The following ARID4B variants were observed in gnomAD, a reference collection of about 807,000 sequenced individuals.
ARID4B encodes AT-rich interaction domain 4B.
Under a neutral mutation model 147.5 loss-of-function variants are expected in ARID4B, and 26 were observed. The observed-to-expected ratio is 0.18, with a 90% CI of 0.13 to 0.24. ARID4B has a LOEUF of 0.24. ARID4B is among the 10% of genes least tolerant of loss of function. The pLI is 1.00. For synonymous variants in ARID4B, 512 were observed against 507.9 expected (o/e 1.01, Z -0.11); for missense variants, 1,179 against 1,511.5 (o/e 0.78, Z 3.65).
intron 19 of ARID4B, chr1:235,189,981 G>C (rs1427353417): frequency 6.5e-6 from 1 of 154,322 alleles, no homozygotes; most frequent in Non-Finnish European, 1.5e-5. Flanking sequence ...CAGAAAGACA[G>C]AAGTTGCTAG....
intron 23 of ARID4B, among the ~76,000 whole-genome samples, chr1:235,170,423 T>C (rs1663255087): frequency 6.6e-6 from 1 of 152,104 alleles, no homozygotes; most frequent in East Asian, 1.9e-4. Flanking sequence ...TTAAAATATA[T>C]AGATATAGCA....
intron 16 of ARID4B, among the ~76,000 whole-genome samples, chr1:235,214,837 C>CTTTT (rs10657168): frequency 0.31 from 31,757 of 102,094 alleles, 6,019 homozygotes; most frequent in South Asian, 0.54. Flanking sequence ...GTATTACATC[C>CTTTT]TTTTTTTTTT....
intron 17 of ARID4B, among the ~76,000 whole-genome samples, chr1:235,206,126 A>G (rs752255904): frequency 6.6e-6 from 1 of 152,202 alleles, no homozygotes; most frequent in Non-Finnish European, 1.5e-5. Flanking sequence ...AGGAGGTCCA[A>G]TTTAGTTCAA....
intron 17 of ARID4B, among the ~76,000 whole-genome samples, chr1:235,213,476 T>A (rs1230062334): frequency 6.6e-6 from 1 of 152,198 alleles, no homozygotes; most frequent in Non-Finnish European, 1.5e-5. Flanking sequence ...TTTGTAGATG[T>A]CCAGAAGTTC....
intron 2 of ARID4B, among the ~76,000 whole-genome samples, chr1:235,300,961 T>C (rs1673084124): frequency 6.6e-6 from 1 of 151,826 alleles, no homozygotes; most frequent in African/African-American, 2.4e-5. Context: ...ATGATCTGCC[T>C]GCCTCGGCCT....
At position 235,236,492 on chromosome 1, in the gene ARID4B, TTGTGTGTG is replaced by T. The variant is rs111585112; in HGVS notation, c.586-2008_586-2001del. Among the ~76,000 whole-genome samples, 1,088 of 147,132 alleles carry T rather than the reference TTGTGTGTG, an allele frequency of 7.4e-3. 7 individuals are homozygous for T. The highest frequency in any genetic ancestry group is 9.9e-3 in the Non-Finnish European group (662 of 66,944). ...ATTGAGAAAAAGACTTACAAAACAG[TTGTGTGTG>T]TGTGTGTGTGTGTGTGTGTGTGTGT... is the stretch of plus-strand genomic sequence containing the variant. On this transcript the variant is annotated intron_variant, in intron 8 of 23. Coordinates refer to ENST00000264183, the MANE Select transcript of ARID4B (RefSeq NM_016374.6).
At chr1:235,271,982 A>ATAATAAT (rs1671020002) in intron 2 of ARID4B, among the ~76,000 whole-genome samples, 1 of 147,392 alleles carries the variant, frequency 6.8e-6, no homozygotes, top group Non-Finnish European at 1.5e-5. Context: ...AATAATAATA[A>ATAATAAT]TCCCCACCAA....
intron 3 of ARID4B, among the ~76,000 whole-genome samples, chr1:235,257,783 A>C (rs1670075529): frequency 6.6e-6 from 1 of 152,148 alleles, no homozygotes; most frequent in South Asian, 2.1e-4. Flanking sequence ...GCCTGGTCCC[A>C]CATATCATCC....
intron 2 of ARID4B, among the ~76,000 whole-genome samples, chr1:235,294,728 G>C (rs1273453938): frequency 6.6e-6 from 1 of 151,322 alleles, no homozygotes; most frequent in Non-Finnish European, 1.5e-5. Flanking sequence ...TGGCCAGGCT[G>C]GTCTTGAACT....
At chr1:235,284,678 T>C (rs1671861959) in intron 2 of ARID4B, among the ~76,000 whole-genome samples, 2 of 152,104 alleles carry the variant, frequency 1.3e-5, no homozygotes, top group South Asian at 4.1e-4. Flanking sequence ...TTTGGAATTA[T>C]TCCCAACTCA....
At chr1:235,240,070 A>C (rs1160512494) in intron 8 of ARID4B, among the ~76,000 whole-genome samples, 4 of 152,028 alleles carry the variant, frequency 2.6e-5, no homozygotes, top group African/African-American at 9.7e-5. Context: ...TTTTCTACCG[A>C]GAGAGAGAGA....
chr1:235,252,464 T>G (rs1385280837), intron 6 of ARID4B, among the ~76,000 whole-genome samples: 1 of 152,186 alleles, frequency 6.6e-6, no homozygotes, highest in Non-Finnish European at 1.5e-5. Flanking sequence ...TAAGTCTGTT[T>G]AAAAACTGCC....
Position 235,219,931 on chromosome 1 carries a change from T to C in ARID4B, c.1445A>G (p.His482Arg). 1 of 1,576,938 alleles carries C rather than the reference T, an allele frequency of 6.3e-7. No homozygotes were observed. Among genetic ancestry groups the C allele is most frequent in the Non-Finnish European group, 8.6e-7 (1 of 1,158,400 alleles). ...KKNLLESIPT[H>R]SDQEKEVNIK... ...GTTAACTTCTTTTTCCTGATCAGAA[T>C]GTGTAGGTATAGATTCTAATAAATT... Residue 482 changes from histidine (H) to arginine (R), a missense_variant, in exon 16 of 24, where the codon CAT becomes CGT. This residue lies in a region of ARID4B where 204 missense variants were observed against 210.9 expected (regional missense o/e 0.97). Coordinates refer to ENST00000264183, the MANE Select transcript of ARID4B (RefSeq NM_016374.6).
At chr1:235,225,607 C>G (rs1002344678) in intron 11 of ARID4B, among the ~76,000 whole-genome samples, 5 of 152,202 alleles carry the variant, frequency 3.3e-5, no homozygotes, top group Admixed American at 6.5e-5. Context: ...CCTACTGTTA[C>G]AGAACATGAT....
chr1:235,314,773 AAT>A (rs1167695865), intron 2 of ARID4B, among the ~76,000 whole-genome samples: 1 of 152,076 alleles, frequency 6.6e-6, no homozygotes, highest in Non-Finnish European at 1.5e-5. Flanking sequence ...CTATCAGTAA[AAT>A]ATGTTTATAA....
At chr1:235,275,437 A>C (rs1489156415) in intron 2 of ARID4B, among the ~76,000 whole-genome samples, 1 of 152,162 alleles carries the variant, frequency 6.6e-6, no homozygotes, top group African/African-American at 2.4e-5. Context: ...GGAAGTAAGA[A>C]ATAAAACAGA....
intron 2 of ARID4B, among the ~76,000 whole-genome samples, chr1:235,299,108 G>A (rs1007220800): frequency 6.6e-6 from 1 of 152,170 alleles, no homozygotes; most frequent in African/African-American, 2.4e-5. Context: ...CAGTCTTACT[G>A]TAAGTCTCTC....
At chr1:235,174,451 T>C (rs1369135374) in intron 22 of ARID4B, among the ~76,000 whole-genome samples, 1 of 152,164 alleles carries the variant, frequency 6.6e-6, no homozygotes, top group Admixed American at 6.5e-5. Flanking sequence ...CATTGTACAT[T>C]AGTACATCTA....
chr1:235,294,270 T>A (rs1672528844), intron 2 of ARID4B, among the ~76,000 whole-genome samples: 1 of 150,364 alleles, frequency 6.7e-6, no homozygotes, highest in Non-Finnish European at 1.5e-5. Context: ...CTTTCGTTAC[T>A]GATAGGATAT....
Sources: gnomAD v4.1 joint callset for allele counts (sites outside exome capture counted in the v4.1 genomes callset) on GRCh38, gnomAD v4.1.1 for gene constraint, gnomAD v4.1.1 regional missense constraint, MANE v1.5 for transcripts, NCBI Gene and HGNC (gene_info 2026-07-23, HGNC 2026-07-21) for gene names.